HRH2: variants seen among roughly 807,000 people sequenced by gnomAD.
The protein encoded by HRH2 is histamine H2 receptor.
HRH2 carries 4 observed loss-of-function variants against 20.1 expected under a neutral mutation model. The observed-to-expected ratio is 0.20, with a 90% CI of 0.10 to 0.45. HRH2 has a LOEUF of 0.45. HRH2 is among the 20% of genes least tolerant of loss of function. The pLI, the probability that HRH2 is intolerant of heterozygous loss-of-function variation, is 0.99. For missense variants in HRH2, 250 were observed against 461.6 expected, an observed-to-expected ratio of 0.54 and a Z score of 4.20; for synonymous variants, 197 against 200.7, an observed-to-expected ratio of 0.98 and a Z score of 0.16.
At chr5:175,696,014 G>A (rs1357882295) in intron 2 of HRH2, among the ~76,000 whole-genome samples, 2 of 152,228 alleles carry the variant, frequency 1.3e-5, no homozygotes, top group Non-Finnish European at 2.9e-5. Context: ...AAATGCCCAG[G>A]GGCAAACAGC....
chr5:175,688,029 C>G (rs1756231602), intron 2 of HRH2, among the ~76,000 whole-genome samples: 1 of 152,180 alleles, frequency 6.6e-6, no homozygotes. Context: ...CACTTGTAGG[C>G]AGCCTGCATG....
intron 2 of HRH2, among the ~76,000 whole-genome samples, chr5:175,690,695 G>A (rs1213280383): frequency 1.3e-5 from 2 of 152,118 alleles, no homozygotes; most frequent in Admixed American, 6.5e-5. Context: ...ATCACAATCC[G>A]TTTTAGAGCA....
At chr5:175,706,887 G>A (rs538713562) in intron 2 of HRH2, among the ~76,000 whole-genome samples, 1 of 152,330 alleles carries the variant, frequency 6.6e-6, no homozygotes, top group African/African-American at 2.4e-5. Context: ...TATGTGGAAG[G>A]GGGAGGGAGC....
rs75992272 is a variant in HRH2 at position 175,677,821 on chromosome 5, C to T, written c.-525-4888C>T. Among the ~76,000 whole-genome samples the T allele has an allele frequency of 0.015, 2,219 of 152,312 alleles. 58 individuals are homozygous for T. Among genetic ancestry groups the T allele is most frequent in the African/African-American group, 0.051 (2,115 of 41,558 alleles). On this transcript the variant is annotated intron_variant, in intron 1 of 2. Transcript: ENST00000636584. This position sits in a 1 kb window ranked among gnomAD's most constrained non-coding sequence, Gnocchi z 4.2. ...TGCCACACCCTCGAATCCTGATCTGCAGCAGGAGGTCAGGGACCCTGCGCC... is the reference window on the plus strand; with the variant it reads ...TGCCACACCCTCGAATCCTGATCTGTAGCAGGAGGTCAGGGACCCTGCGCC...
rs555771060 is a variant in HRH2, at chr5:175,697,429, G to C, written c.1077-10350G>C. On this transcript the variant is annotated intron_variant, in intron 2 of 2. Coordinates refer to ENST00000636584, the MANE Select transcript of HRH2 (RefSeq NM_001367711.1). ...AGTGAGCCGGGATAGCGCCACTGCA[G>C]TCCAGCTTGGGCGAAAGAGTGAGAC... Among the ~76,000 whole-genome samples the C allele has an allele frequency of 8.9e-5, 13 of 146,322 alleles. No individual in the cohort carries two copies. The South Asian group carries it at 1.1e-3, about 12-fold the overall frequency.
intron 1 of HRH2, among the ~76,000 whole-genome samples, chr5:175,671,945 G>C (rs1448446119): frequency 6.6e-6 from 1 of 152,068 alleles, no homozygotes; most frequent in Non-Finnish European, 1.5e-5. Context: ...GAGCCGGGAT[G>C]ACTGCCTCTC....
chr5:175,699,596 C>G (rs1756727666), intron 2 of HRH2, among the ~76,000 whole-genome samples: 1 of 151,926 alleles, frequency 6.6e-6, no homozygotes, highest in Admixed American at 6.6e-5. Context: ...TTGTTTGAGA[C>G]AGAGTCTCAC....
At position 175,688,080 on chromosome 5, in the gene HRH2, C is replaced by T. The variant is rs148221823; in HGVS notation, c.1076+3771C>T. Among the ~76,000 whole-genome samples, 52 of 152,298 alleles carry T rather than the reference C, an allele frequency of 3.4e-4. No individual in the cohort carries two copies. In the East Asian group the frequency reaches 8.9e-3, roughly 26 times the overall value. On this transcript the variant is annotated intron_variant, in intron 2 of 2. Transcript: ENST00000636584. Reference sequence around the variant, plus strand: ...CCTCTCACATCACTCCAGCCTTTTGCTTCCAAGGTCACGTCACCTTCTGCT... The same window carrying T: ...CCTCTCACATCACTCCAGCCTTTTGTTTCCAAGGTCACGTCACCTTCTGCT...
intron 1 of HRH2, among the ~76,000 whole-genome samples, chr5:175,675,789 G>A (rs1314532374): frequency 6.6e-6 from 1 of 152,134 alleles, no homozygotes; most frequent in Admixed American, 6.5e-5. Flanking sequence ...TTCTCCACCT[G>A]TCAAACTCTA....
intron 1 of HRH2, among the ~76,000 whole-genome samples, chr5:175,663,891 A>G (rs1258508133): frequency 6.6e-6 from 1 of 152,224 alleles, no homozygotes; most frequent in Non-Finnish European, 1.5e-5. Context: ...TCTGAGCCTC[A>G]GCTGCCCCAT....
chr5:175,697,074 T>C (rs1358340962), intron 2 of HRH2, among the ~76,000 whole-genome samples: 1 of 152,190 alleles, frequency 6.6e-6, no homozygotes, highest in East Asian at 1.9e-4. Context: ...CCCGCTGGCA[T>C]GACTGCTGGT....
intron 1 of HRH2, among the ~76,000 whole-genome samples, chr5:175,680,790 G>T (rs2517950): frequency 0.028 from 4,210 of 152,254 alleles, 120 homozygotes; most frequent in Non-Finnish European, 0.042. Flanking sequence ...CTTTAAATAG[G>T]AATACAGCAG....
rs894260441 is a variant in HRH2, at chr5:175,708,299, T to G, written c.*328T>G. ...ATGCGTGCACATGTGTGTGCATGGG[T>G]GCATACGTGTAGGGACGTGCATGAC... On this transcript the variant is annotated 3_prime_UTR_variant, in exon 3 of 3. Coordinates refer to ENST00000636584, the MANE Select transcript of HRH2 (RefSeq NM_001367711.1). 8.5e-6 allele frequency: 2 copies of G among 234,096 alleles called. No homozygotes were observed. Among genetic ancestry groups the G allele is most frequent in the Admixed American group, 5.7e-5 (1 of 17,612 alleles). The allele number at this position is 234,096 out of a possible 1,614,324, so 14.5% of individuals were successfully genotyped here.
At position 175,693,719 on chromosome 5, in the gene HRH2, T is replaced by C. The variant is rs1348024801; in HGVS notation, c.1076+9410T>C. 6.6e-6 allele frequency among the ~76,000 whole-genome samples: 1 copy of C among 152,250 alleles called. No homozygotes were observed. Among genetic ancestry groups the C allele is most frequent in the African/African-American group, 2.4e-5 (1 of 41,468 alleles). ...CCTATTCCCTGAAGTCACAGCTCTG[T>C]GCTCCCTTCCCATCTTGGTCCGGGT... On this transcript the variant is annotated intron_variant, in intron 2 of 2. Transcript: ENST00000636584. This position sits in a 1 kb window ranked among gnomAD's most constrained non-coding sequence, Gnocchi z 4.4.
chr5:175,688,467 C>G (rs1756250132), intron 2 of HRH2, among the ~76,000 whole-genome samples: 2 of 152,208 alleles, frequency 1.3e-5, no homozygotes, highest in South Asian at 4.1e-4. Flanking sequence ...GGACTTGCCA[C>G]CTGCCAGCAC....
At position 175,673,072 on chromosome 5, in the gene HRH2, G is replaced by A. The variant is rs1038310370; in HGVS notation, c.-525-9637G>A. 6.6e-5 allele frequency among the ~76,000 whole-genome samples: 10 copies of A among 152,186 alleles called. 1 individual carries two copies. The highest frequency in any genetic ancestry group is 4.1e-4 in the South Asian group (2 of 4,834). On this transcript the variant is annotated intron_variant, in intron 1 of 2. Transcript: ENST00000636584. ...GGCCTTCTGAGCCAGTGGTAAGAGC[G>A]TGTAACAGGACAAAACTGGTGAGGT...
chr5:175,661,817 C>T (rs943815793), intron 1 of HRH2, among the ~76,000 whole-genome samples: 1 of 152,092 alleles, frequency 6.6e-6, no homozygotes, highest in East Asian at 1.9e-4. Flanking sequence ...GTGAGGAGTT[C>T]GAGACCAGCC....
Position 175,687,200 on chromosome 5 carries a change from G to C in HRH2, c.1076+2891G>C, listed in dbSNP as rs1361589283. 6.6e-6 allele frequency among the ~76,000 whole-genome samples: 1 copy of C among 152,186 alleles called. No individual in the cohort carries two copies. Among genetic ancestry groups the C allele is most frequent in the Non-Finnish European group, 1.5e-5 (1 of 68,022 alleles). On this transcript the variant is annotated intron_variant, in intron 2 of 2. Transcript: ENST00000636584. This position sits in a 1 kb window ranked among gnomAD's most constrained non-coding sequence, Gnocchi z 5.2. Reference sequence around the variant, plus strand: ...TGTGGTTGAGGGCATGGAGGGCGGAGGGAGCCAAGAACAGCCAGAGGTTGA... The same window carrying C: ...TGTGGTTGAGGGCATGGAGGGCGGACGGAGCCAAGAACAGCCAGAGGTTGA...
chr5:175,694,105 T>C (rs751185796), intron 2 of HRH2, among the ~76,000 whole-genome samples: 3 of 152,112 alleles, frequency 2.0e-5, no homozygotes, highest in Non-Finnish European at 4.4e-5. Context: ...GAAGGACCAA[T>C]TGAGTGAGTG....
Sources: allele counts gnomAD v4.1 joint callset (sites outside exome capture counted in the v4.1 genomes callset), GRCh38; gene constraint gnomAD v4.1.1; non-coding constraint Gnocchi (gnomAD v3.1); transcripts MANE v1.5; gene names NCBI Gene and HGNC (gene_info 2026-07-23, HGNC 2026-07-21).